MORC1: variants seen among roughly 807,000 people sequenced by gnomAD.
MORC1 encodes MORC family CW-type zinc finger protein 1.
A neutral mutation model predicts 134.9 loss-of-function variants in MORC1; 59 were observed. That is an observed-to-expected ratio of 0.44 (90% CI 0.35 to 0.54). MORC1 has a LOEUF of 0.54. Ranked by LOEUF, MORC1 falls within the 20% of genes least tolerant of loss-of-function variation. The pLI is 0.00. For missense variants in MORC1, 947 were observed against 1,134.5 expected (o/e 0.83, Z 2.37); for synonymous variants, 395 against 391.7 (o/e 1.01, Z -0.10).
At chr3:109,032,855 A>G in intron 15 of MORC1, 30 bp from the exon 16 acceptor site, 3 of 1,355,442 alleles carry the variant, frequency 2.2e-6, no homozygotes, top group Non-Finnish European at 1.0e-6. Flanking sequence ...GACACAGAAA[A>G]GAGATCAGAA....
chr3:109,003,103 A>G (rs927934528), intron 20 of MORC1, among the ~76,000 whole-genome samples: 14 of 152,232 alleles, frequency 9.2e-5, no homozygotes, highest in Admixed American at 7.8e-4. Context: ...CTACTGTGTC[A>G]TAAAAACTGC....
chr3:109,089,112 T>C (rs1015533697), intron 8 of MORC1, among the ~76,000 whole-genome samples: 2 of 152,042 alleles, frequency 1.3e-5, no homozygotes, highest in Admixed American at 6.6e-5. Flanking sequence ...CTGTTGGCTA[T>C]TGGGCTTAAT....
At position 109,094,984 on chromosome 3, in the gene MORC1, T is replaced by C. The variant is rs372952715; in HGVS notation, c.508A>G (p.Ile170Val). The change falls in exon 7 of 28, where the codon ATA becomes GTA. Residue 170 changes from isoleucine (I) to valine (V), a missense_variant. By Grantham distance (29) the Ile-to-Val change is conservative. Coordinates refer to ENST00000232603, the MANE Select transcript of MORC1 (RefSeq NM_014429.4). ...DPQKFAMELS[I>V]IYKYSPFKTE... ...TTAAATGGGGAGTATTTATAAATTATAGATAATTCCATTGCAAATTTCTGG... is the reference window on the plus strand; with the variant it reads ...TTAAATGGGGAGTATTTATAAATTACAGATAATTCCATTGCAAATTTCTGG... The C allele has an allele frequency of 6.3e-7, 1 of 1,596,120 alleles. No homozygotes were observed. The highest frequency in any genetic ancestry group is 8.5e-7 in the Non-Finnish European group (1 of 1,174,990).
intron 8 of MORC1, among the ~76,000 whole-genome samples, chr3:109,085,070 G>T (rs1369365944): frequency 1.3e-5 from 2 of 151,844 alleles, no homozygotes; most frequent in African/African-American, 4.8e-5. Context: ...AAAACATTGG[G>T]GAAACTCTCC....
At chr3:109,032,008 T>C (rs1949251876) in intron 16 of MORC1, among the ~76,000 whole-genome samples, 2 of 152,334 alleles carry the variant, frequency 1.3e-5, no homozygotes, top group East Asian at 3.9e-4. Context: ...AAATGTTTTC[T>C]TTTTCTTTTA....
At chr3:108,979,391 G>T in intron 24 of MORC1, 124 bp downstream of exon 24, 1 of 1,063,042 alleles carries the variant, frequency 9.4e-7, no homozygotes, top group Non-Finnish European at 1.4e-6. Flanking sequence ...TAGGAGACAA[G>T]TCATAATGTC....
At chr3:109,058,804 G>T (rs1409976647) in intron 12 of MORC1, among the ~76,000 whole-genome samples, 1 of 134,048 alleles carries the variant, frequency 7.5e-6, no homozygotes, top group Non-Finnish European at 1.6e-5. Flanking sequence ...AATATTAAAG[G>T]ATATACTGAT....
intron 14 of MORC1, among the ~76,000 whole-genome samples, chr3:109,039,717 C>A (rs1407013636): frequency 1.3e-5 from 2 of 152,092 alleles, no homozygotes; most frequent in Admixed American, 1.3e-4. Flanking sequence ...AAAAAAAGAC[C>A]CTGTCCTCCA....
rs58831825 is a variant in MORC1, at chr3:109,115,328, AACACACACACACAC to A, written c.66-905_66-892del. 2.9e-3 allele frequency among the ~76,000 whole-genome samples: 436 copies of A among 148,766 alleles called. 1 individual carries two copies. The highest frequency in any genetic ancestry group is 4.6e-3 in the Non-Finnish European group (308 of 67,118). On this transcript the variant is annotated intron_variant, in intron 1 of 27. Coordinates refer to ENST00000232603, the MANE Select transcript of MORC1 (RefSeq NM_014429.4). ...ACTTTAGTTTAAAATGTATTTTTAA[AACACACACACACAC>A]ACACACACACACACACAGAGAGAGA... is the stretch of plus-strand genomic sequence containing the variant.
At chr3:109,061,118 C>T (rs1259418835) in intron 11 of MORC1, among the ~76,000 whole-genome samples, 2 of 152,074 alleles carry the variant, frequency 1.3e-5, no homozygotes, top group Non-Finnish European at 2.9e-5. Context: ...AGGTCTTTAT[C>T]AGACACAGCC....
intron 23 of MORC1, among the ~76,000 whole-genome samples, chr3:108,981,603 C>T (rs1487659356): frequency 6.6e-6 from 1 of 152,148 alleles, no homozygotes; most frequent in African/African-American, 2.4e-5. Context: ...AGATTCCTCT[C>T]TAAACCTCTG....
chr3:108,989,403 A>C (rs1243945294), intron 21 of MORC1, among the ~76,000 whole-genome samples: 1 of 152,224 alleles, frequency 6.6e-6, no homozygotes, highest in African/African-American at 2.4e-5. Flanking sequence ...AATTAAAATT[A>C]TGTTAACAAT....
chr3:109,107,036 A>C (rs193010353), intron 3 of MORC1, among the ~76,000 whole-genome samples: 2 of 151,402 alleles, frequency 1.3e-5, no homozygotes, highest in Non-Finnish European at 2.9e-5. Flanking sequence ...CTGCACAAAC[A>C]CTCCCCTTGA....
intron 17 of MORC1, among the ~76,000 whole-genome samples, chr3:109,012,233 C>A (rs1020553839): frequency 6.6e-6 from 1 of 152,020 alleles, no homozygotes; most frequent in Non-Finnish European, 1.5e-5. Flanking sequence ...TGTCTTGATC[C>A]CTTAGTTGAA....
chr3:109,106,701 T>C (rs1951046886), intron 3 of MORC1, among the ~76,000 whole-genome samples: 1 of 152,108 alleles, frequency 6.6e-6, no homozygotes, highest in Non-Finnish European at 1.5e-5. Context: ...GTCCTCTCAA[T>C]TTCACTGCCT....
chr3:109,098,616 C>T (rs889994040), intron 6 of MORC1, among the ~76,000 whole-genome samples: 5 of 152,206 alleles, frequency 3.3e-5, no homozygotes, highest in African/African-American at 1.2e-4. Context: ...GCACTCGAGG[C>T]CCTCTATCTC....
intron 8 of MORC1, among the ~76,000 whole-genome samples, chr3:109,079,273 C>A (rs1394197924): frequency 6.6e-6 from 1 of 152,024 alleles, no homozygotes; most frequent in Non-Finnish European, 1.5e-5. Flanking sequence ...ACATCATGAT[C>A]TTGTTGGGTT....
rs146245577 is a variant in MORC1, at chr3:109,026,810, T to C, written c.1704+941A>G. Among the ~76,000 whole-genome samples the C allele has an allele frequency of 4.6e-3, 700 of 152,260 alleles. 17 individuals are homozygous for C. The highest frequency in any genetic ancestry group is 0.043 in the Admixed American group (655 of 15,288). ...TGGAGGTGGGGAGTGCTTAGGAGAA[T>C]GTGTTTCCAAAGTGACTCTCAGTAT... is the stretch of plus-strand genomic sequence containing the variant. On this transcript the variant is annotated intron_variant, in intron 17 of 27. Coordinates refer to ENST00000232603, the MANE Select transcript of MORC1 (RefSeq NM_014429.4).
rs564782944 is a variant in MORC1, at chr3:109,096,746, T to G, written c.424-1678A>C. Among the ~76,000 whole-genome samples the G allele has an allele frequency of 1.8e-3, 269 of 152,320 alleles. 1 individual carries two copies. The highest frequency in any genetic ancestry group is 3.3e-3 in the Non-Finnish European group (227 of 68,018). On this transcript the variant is annotated intron_variant, in intron 6 of 27. Transcript: ENST00000232603. The stretch of plus-strand genomic sequence containing the variant: ...CTACTTTTTTCTTAATAAACTGCTT[T>G]CACTTCACTCTATGAACTCGCCCTG...
Sources: allele counts gnomAD v4.1 joint callset (sites outside exome capture counted in the v4.1 genomes callset), GRCh38; gene constraint gnomAD v4.1.1; transcripts MANE v1.5; gene names NCBI Gene and HGNC (gene_info 2026-07-23, HGNC 2026-07-21).